Variants in RGS14 observed in about 807,000 individuals in gnomAD.
RGS14 encodes the protein regulator of G protein signaling 14.
A neutral mutation model predicts 63.8 loss-of-function variants in RGS14; 33 were observed. The observed-to-expected ratio is 0.52, with a 90% confidence interval of 0.39 to 0.69. The LOEUF (loss-of-function observed/expected upper bound fraction) is 0.69, where lower values mean the gene tolerates loss of function less well. Among genes scored for constraint, RGS14 ranks in the 30% least tolerant of loss-of-function variants. RGS14 has a pLI of 0.00. For synonymous variants in RGS14, 296 were observed against 320.9 expected, an observed-to-expected ratio of 0.92 and a Z score of 0.83; for missense variants, 739 against 742.9, an observed-to-expected ratio of 0.99 and a Z score of 0.06.
In RGS14 at chr5:177,368,213, T is replaced by A; in HGVS notation, c.796T>A (p.Ser266Thr). The change falls in exon 8 of 15, where the codon TCC (serine) becomes ACC (threonine). Residue 266 changes from serine to threonine, a missense_variant. By Grantham distance (58) the Ser-to-Thr change is moderately conservative. Coordinates refer to ENST00000408923, the MANE Select transcript of RGS14 (RefSeq NM_006480.5). ...CCGAGAGTCTCAGGGCTCCCTCAACTCCTCCGCCAGCCTGGACCTTGGCTT... is the reference window on the plus strand; with the variant it reads ...CCGAGAGTCTCAGGGCTCCCTCAACACCTCCGCCAGCCTGGACCTTGGCTT... Reference protein sequence around the residue: ...LRRESQGSLNSSASLDLGFLA... With the variant: ...LRRESQGSLNTSASLDLGFLA... The A allele has an allele frequency of 6.2e-7, 1 of 1,613,890 alleles. No individual in the cohort carries two copies. Among genetic ancestry groups the A allele is most frequent in the Non-Finnish European group, 8.5e-7 (1 of 1,179,898 alleles).
chr5:177,367,133 C>G, intron 5 of RGS14, 99 bp downstream of exon 5: 1 of 1,454,802 alleles, frequency 6.9e-7, no homozygotes, highest in South Asian at 1.3e-5. Flanking sequence ...GCGGAGGGGG[C>G]AAATTTGGAG....
rs1209748203 is a variant in RGS14, at chr5:177,367,515, A to C, written c.585A>C (p.Glu195Asp). The change falls in exon 6 of 15, where the codon GAA becomes GAC. Residue 195 changes from glutamate (E) to aspartate (D), a missense_variant. By Grantham distance (45) the Glu-to-Asp change is conservative (BLOSUM62 2). Coordinates refer to ENST00000408923, the MANE Select transcript of RGS14 (RefSeq NM_006480.5). ...AAGCCGAGGGACGCCCTCTGCGGGA[A>C]CCTGGCTCCTCGCGCCTCGGCAGCC... is the stretch of plus-strand genomic sequence containing the variant. ...LAEAEGRPLR[E>D]PGSSRLGSPD... is the part of the protein sequence containing the mutation. The C allele has an allele frequency of 6.2e-7, 1 of 1,612,270 alleles. No individual in the cohort carries two copies. Among genetic ancestry groups the C allele is most frequent in the Non-Finnish European group, 8.5e-7 (1 of 1,179,296 alleles).
At chr5:177,367,368 G>A (rs373372147) in intron 5 of RGS14, 46 bp from the exon 6 acceptor site, 2 of 1,545,960 alleles carry the variant, frequency 1.3e-6, no homozygotes, top group South Asian at 1.2e-5. Flanking sequence ...GCAGCCCAGC[G>A]CCCCCACCCC....
chr5:177,371,192 G>C lies in RGS14; in HGVS notation c.1282G>C (p.Gly428Arg), dbSNP rs199570345. The change falls in exon 12 of 15, where the codon GGG becomes CGG. Residue 428 changes from glycine (G) to arginine (R), a missense_variant. By Grantham distance (125) the Gly-to-Arg change is moderately radical (BLOSUM62 -2). Transcript: ENST00000408923. The surrounding 1 kb of genome is among the most constrained non-coding windows in gnomAD (Gnocchi z 6.1). ...AGGCGAGAAACAGCCTCTGGATCTGGGGAAGCTAGTGAGCTCGGTGGCGGC... is the reference window on the plus strand; with the variant it reads ...AGGCGAGAAACAGCCTCTGGATCTGCGGAAGCTAGTGAGCTCGGTGGCGGC... ...RPGEKQPLDLGKLVSSVAAQR... is the reference protein window; with the variant it reads ...RPGEKQPLDLRKLVSSVAAQR... The C allele has an allele frequency of 2.3e-5, 37 of 1,613,632 alleles. No individual in the cohort carries two copies. In the Admixed American group the frequency reaches 6.2e-4, roughly 27 times the overall value.
In RGS14 at chr5:177,368,241, T is replaced by C. The variant is rs1172694096; in HGVS notation, c.824T>C (p.Leu275Pro). 6.2e-7 allele frequency: 1 copy of C among 1,613,450 alleles called. No homozygotes were observed. The highest frequency in any genetic ancestry group is 8.5e-7 in the Non-Finnish European group (1 of 1,179,530). Residue 275 changes from leucine to proline, a missense_variant, in exon 8 of 15, where the codon CTA becomes CCA. Coordinates refer to ENST00000408923, the MANE Select transcript of RGS14 (RefSeq NM_006480.5). ...TCCGCCAGCCTGGACCTTGGCTTCCTAGCCTTCGTCAGCAGCAAATCTGAG... is the reference window on the plus strand; with the variant it reads ...TCCGCCAGCCTGGACCTTGGCTTCCCAGCCTTCGTCAGCAGCAAATCTGAG... ...NSSASLDLGF[L>P]AFVSSKSESH...
intron 1 of RGS14, among the ~76,000 whole-genome samples, chr5:177,361,579 C>G (rs927128821): frequency 1.3e-5 from 2 of 152,168 alleles, no homozygotes; most frequent in Non-Finnish European, 2.9e-5. Flanking sequence ...TGCCACATCT[C>G]AGCTGCATGG....
In RGS14 at chr5:177,371,994, C is replaced by G; in HGVS notation, c.1620C>G (p.Ser540=). 1 of 1,614,140 alleles carries G rather than the reference C, an allele frequency of 6.2e-7. No homozygotes were observed. The highest frequency in any genetic ancestry group is 8.5e-7 in the Non-Finnish European group (1 of 1,180,020). Residue 540 remains serine, a synonymous_variant, in exon 15 of 15, where the codon TCC becomes TCG. Coordinates refer to ENST00000408923, the MANE Select transcript of RGS14 (RefSeq NM_006480.5). This position sits in a 1 kb window ranked among gnomAD's most constrained non-coding sequence, Gnocchi z 6.1. ...AGCTGCCCGCCCAAGGGCCCAGCTCCGAGGAGACCCCACCACAGACCAAAT... is the reference window on the plus strand; with the variant it reads ...AGCTGCCCGCCCAAGGGCCCAGCTCGGAGGAGACCCCACCACAGACCAAAT... ...FLQLPAQGPS[S]EETPPQTKSA...
Position 177,358,582 on chromosome 5 carries a change from A to G in RGS14, c.45+513A>G, listed in dbSNP as rs376579480. Among the ~76,000 whole-genome samples the G allele has an allele frequency of 6.6e-6, 1 of 152,210 alleles. No homozygotes were observed. The highest frequency in any genetic ancestry group is 2.4e-5 in the African/African-American group (1 of 41,438). The stretch of plus-strand genomic sequence containing the variant: ...TTGTTTGGGCAGCCCGGGATGGGGC[A>G]GCAGGGTCAGACTAGGTTGATGCAG... On this transcript the variant is annotated intron_variant, in intron 1 of 14. Coordinates refer to ENST00000408923, the MANE Select transcript of RGS14 (RefSeq NM_006480.5). The surrounding 1 kb of genome is among the most constrained non-coding windows in gnomAD (Gnocchi z 4.8).
rs897464119 is a variant in RGS14, at chr5:177,359,842, C to T, written c.45+1773C>T. 9.2e-5 allele frequency among the ~76,000 whole-genome samples: 14 copies of T among 152,296 alleles called. No homozygotes were observed. The highest frequency in any genetic ancestry group is 3.4e-3 in the Middle Eastern group (1 of 294). On this transcript the variant is annotated intron_variant, in intron 1 of 14. Coordinates refer to ENST00000408923, the MANE Select transcript of RGS14 (RefSeq NM_006480.5). The surrounding 1 kb of genome is among the most constrained non-coding windows in gnomAD (Gnocchi z 4.4). ...TGTGGATGGAGGGGCGCCTGGGGGA[C>T]AGGTATGTCTGGTCCCTCCATGAGT...
intron 9 of RGS14, 54 bp from the exon 10 acceptor site, chr5:177,370,537 G>A: frequency 2.0e-6 from 3 of 1,513,078 alleles, no homozygotes; most frequent in Non-Finnish European, 2.8e-6. Context: ...GACCCACAGG[G>A]ATGGCTGGGG....
rs1266964612 is a variant in RGS14, at chr5:177,368,584, G to A, written c.850-133G>A. The A allele has an allele frequency of 3.0e-5, 26 of 880,422 alleles. No homozygotes were observed. In the East Asian group the frequency reaches 6.9e-4, roughly 23 times the overall value. 54.5% of individuals were successfully genotyped at this position (880,422 alleles called of 1,614,324 possible). Reference sequence around the variant, plus strand: ...GGTGTGCATACATGTGTTCCTGCAGGAGGACGTATCTTTGCCTGCCTTGGG... The same window carrying A: ...GGTGTGCATACATGTGTTCCTGCAGAAGGACGTATCTTTGCCTGCCTTGGG... On this transcript the variant is annotated intron_variant, in intron 8 of 14. Coordinates refer to ENST00000408923, the MANE Select transcript of RGS14 (RefSeq NM_006480.5).
At chr5:177,361,967 C>A (rs1581614956) in intron 1 of RGS14, among the ~76,000 whole-genome samples, 1 of 152,166 alleles carries the variant, frequency 6.6e-6, no homozygotes, top group Admixed American at 6.5e-5. Context: ...GCAGTGGCAG[C>A]CAGGGCAGGC....
rs1472304730 is a variant in RGS14 at position 177,371,074 on chromosome 5, CGGGGCCGGGGCCGGGGCCGGGGCCG to C, written c.1254+47_1255-63del. On this transcript the variant is annotated intron_variant, in intron 11 of 14. Coordinates refer to ENST00000408923, the MANE Select transcript of RGS14 (RefSeq NM_006480.5). The surrounding 1 kb of genome is among the most constrained non-coding windows in gnomAD (Gnocchi z 6.1). Reference sequence around the variant, plus strand: ...GGGGCGGGGCGGGGCGGGGCCGGGCCGGGGCCGGGGCCGGGGCCGGGGCCGGGGCCGGGGCCGGGGCCGGGGCCGG... The same window carrying C: ...GGGGCGGGGCGGGGCGGGGCCGGGCCGGGCCGGGGCCGGGGCCGGGGCCGG... The C allele has an allele frequency of 1.9e-5, 3 of 160,720 alleles. No homozygotes were observed. Among genetic ancestry groups the C allele is most frequent in the South Asian group, 7.1e-4 (2 of 2,802 alleles). The allele number at this position is 160,720 out of a possible 1,614,324, so 10.0% of individuals were successfully genotyped here.
At position 177,366,166 on chromosome 5, in the gene RGS14, TCCCCC is replaced by T; in HGVS notation, c.68-10_68-6del. ...AGCAAGGCTCACCCCAACTTGTCCA[TCCCCC>T]TGCAGAGCTGAGCAGCACGACGGGG... On this transcript the variant is annotated splice_polypyrimidine_tract_variant and splice_region_variant and intron_variant, in intron 2 of 14. Transcript: ENST00000408923. The T allele has an allele frequency of 6.3e-7, 1 of 1,599,018 alleles. No individual in the cohort carries two copies. The highest frequency in any genetic ancestry group is 8.5e-7 in the Non-Finnish European group (1 of 1,172,436).
chr5:177,363,164 G>T (rs921220757), intron 1 of RGS14, among the ~76,000 whole-genome samples: 1 of 152,186 alleles, frequency 6.6e-6, no homozygotes. Flanking sequence ...GCCGCGCAGG[G>T]AAAGGCTTCG....
At chr5:177,362,943 C>T (rs921946768) in intron 1 of RGS14, among the ~76,000 whole-genome samples, 8 of 152,054 alleles carry the variant, frequency 5.3e-5, no homozygotes, top group African/African-American at 1.9e-4. Flanking sequence ...ACCCCTGACT[C>T]GGGGTTAGAG....
intron 10 of RGS14, 25 bp from the exon 11 acceptor site, chr5:177,370,880 T>C: frequency 6.3e-7 from 1 of 1,587,892 alleles, no homozygotes; most frequent in Non-Finnish European, 8.5e-7. Flanking sequence ...CCTCCGGCCC[T>C]CTGCTGCCCG....
chr5:177,372,463 A>G lies in RGS14; in HGVS notation c.*388A>G, dbSNP rs1762296958. Reference sequence around the variant, plus strand: ...GGAAGCTGGTATGAGTAAGGCCTTGAGGGTGCAGGCAGGCAGCCCTGTACC... The same window carrying G: ...GGAAGCTGGTATGAGTAAGGCCTTGGGGGTGCAGGCAGGCAGCCCTGTACC... On this transcript the variant is annotated 3_prime_UTR_variant, in exon 15 of 15. Coordinates refer to ENST00000408923, the MANE Select transcript of RGS14 (RefSeq NM_006480.5). 2 of 219,140 alleles carry G rather than the reference A, an allele frequency of 9.1e-6. No individual in the cohort carries two copies. Among genetic ancestry groups the G allele is most frequent in the East Asian group, 2.2e-4 (2 of 8,998 alleles). The allele number at this position is 219,140 out of a possible 1,614,324, so 13.6% of individuals were successfully genotyped here.
rs1488828303 is a variant in RGS14, at chr5:177,367,527, G to A, written c.597G>A (p.Ser199=). ...GCCCTCTGCGGGAACCTGGCTCCTC[G>A]CGCCTCGGCAGCCCTGACGCCACGA... ...EGRPLREPGS[S]RLGSPDATRK... Residue 199 remains serine, a synonymous_variant, in exon 6 of 15, where the codon TCG becomes TCA. Transcript: ENST00000408923. 6.2e-7 allele frequency: 1 copy of A among 1,611,668 alleles called. No individual in the cohort carries two copies. The highest frequency in any genetic ancestry group is 8.5e-7 in the Non-Finnish European group (1 of 1,179,054).
Sources: allele counts gnomAD v4.1 joint callset (sites outside exome capture counted in the v4.1 genomes callset), GRCh38; gene constraint gnomAD v4.1.1; non-coding constraint Gnocchi (gnomAD v3.1); transcripts MANE v1.5; gene names NCBI Gene and HGNC (gene_info 2026-07-23, HGNC 2026-07-21).